GPC5: variants seen among roughly 807,000 people sequenced by gnomAD.
GPC5 encodes glypican-5.
GPC5 carries 47 observed loss-of-function variants against 53.9 expected under a neutral mutation model. The ratio of observed to expected loss-of-function variants is 0.87; its 90% confidence interval spans 0.69 to 1.11. The LOEUF (loss-of-function observed/expected upper bound fraction) is 1.11. Ranked by LOEUF, GPC5 falls within the 50% of genes most tolerant of loss-of-function variation. The pLI is 0.00. For synonymous variants in GPC5, 286 were observed against 263.3 expected, an observed-to-expected ratio of 1.09 and a Z score of -0.84; for missense variants, 748 against 713.1, an observed-to-expected ratio of 1.05 and a Z score of -0.56.
chr13:91,943,782 GAAATAGAGATGTA>G (rs1274180870), intron 6 of GPC5, among the ~76,000 whole-genome samples: 5 of 152,012 alleles, frequency 3.3e-5, no homozygotes, highest in African/African-American at 1.2e-4. Flanking sequence ...TGTATTTGCT[GAAATAGAGATGTA>G]ACATTGTTAA....
intron 7 of GPC5, among the ~76,000 whole-genome samples, chr13:92,329,317 T>C (rs372024561): frequency 3.9e-5 from 6 of 152,192 alleles, no homozygotes; most frequent in East Asian, 1.9e-4. Context: ...CTAAAGCAGG[T>C]ACATCACATG....
intron 6 of GPC5, among the ~76,000 whole-genome samples, chr13:92,091,658 T>C (rs1218864891): frequency 2.0e-5 from 3 of 151,998 alleles, no homozygotes; most frequent in African/African-American, 7.2e-5. Flanking sequence ...CACAAAATAT[T>C]TTCTGCATGT....
At chr13:91,515,240 C>T (rs1022688820) in intron 2 of GPC5, among the ~76,000 whole-genome samples, 1 of 152,100 alleles carries the variant, frequency 6.6e-6, no homozygotes, top group African/African-American at 2.4e-5. Flanking sequence ...TGACCTTAAA[C>T]AATCTACTTT....
intron 7 of GPC5, among the ~76,000 whole-genome samples, chr13:92,187,258 G>A (rs79458034): frequency 7.4e-4 from 113 of 152,286 alleles, no homozygotes; most frequent in Non-Finnish European, 1.3e-3. Flanking sequence ...TCTTAAGTTT[G>A]TTGGACTCTT....
intron 7 of GPC5, among the ~76,000 whole-genome samples, chr13:92,564,829 A>G (rs1221458459): frequency 6.6e-6 from 1 of 152,082 alleles, no homozygotes; most frequent in Non-Finnish European, 1.5e-5. Flanking sequence ...TCCAGCTAAC[A>G]CCATTATTTT....
chr13:92,451,711 G>A (rs1878067548), intron 7 of GPC5, among the ~76,000 whole-genome samples: 1 of 152,120 alleles, frequency 6.6e-6, no homozygotes, highest in South Asian at 2.1e-4. Flanking sequence ...AATGGGTGTC[G>A]ATAGAGACTG....
intron 7 of GPC5, among the ~76,000 whole-genome samples, chr13:92,502,864 A>G (rs1880240780): frequency 6.6e-6 from 1 of 151,932 alleles, no homozygotes; most frequent in East Asian, 1.9e-4. Context: ...ACATTGGAGC[A>G]CTCCACTGGA....
intron 2 of GPC5, among the ~76,000 whole-genome samples, chr13:91,463,559 C>T (rs1882062086): frequency 6.6e-6 from 1 of 152,004 alleles, no homozygotes; most frequent in Non-Finnish European, 1.5e-5. Context: ...TAAGGCTATA[C>T]AGCTATAGTA....
At chr13:91,565,569 A>C (rs2031491371) in intron 2 of GPC5, among the ~76,000 whole-genome samples, 1 of 152,196 alleles carries the variant, frequency 6.6e-6, no homozygotes, top group African/African-American at 2.4e-5. Flanking sequence ...GAAATATTGA[A>C]GTGGAAGAGA....
rs951699005 is a variant in GPC5 at position 91,992,157 on chromosome 13, A to G, written c.1401+84100A>G. On this transcript the variant is annotated intron_variant, in intron 6 of 7. Transcript: ENST00000377067. ...GGCTCAAGTGATCCTCCTGCCTCCC[A>G]AGTAGCAGGGACTATAGGTGCACAA... Among the ~76,000 whole-genome samples, 4 of 152,166 alleles carry G rather than the reference A, an allele frequency of 2.6e-5. No individual in the cohort carries two copies. The East Asian group carries it at 7.8e-4, about 30-fold the overall frequency.
chr13:91,541,192 C>A (rs2029906132), intron 2 of GPC5, among the ~76,000 whole-genome samples: 1 of 152,028 alleles, frequency 6.6e-6, no homozygotes. Flanking sequence ...TTTTAAGTGA[C>A]TACATTTAAA....
chr13:92,474,340 AT>A (rs1381250675), intron 7 of GPC5, among the ~76,000 whole-genome samples: 1 of 151,968 alleles, frequency 6.6e-6, no homozygotes, highest in African/African-American at 2.4e-5. Context: ...TGTAACCTCT[AT>A]GTATATTTAG....
At chr13:92,465,392 C>A (rs1320083944) in intron 7 of GPC5, among the ~76,000 whole-genome samples, 1 of 152,018 alleles carries the variant, frequency 6.6e-6, no homozygotes, top group Non-Finnish European at 1.5e-5. Context: ...AGATTATATT[C>A]TTTAAGATAT....
At chr13:92,471,051 C>G (rs944390494) in intron 7 of GPC5, among the ~76,000 whole-genome samples, 1 of 152,018 alleles carries the variant, frequency 6.6e-6, no homozygotes, top group Non-Finnish European at 1.5e-5. Flanking sequence ...ACAGTGAGCC[C>G]CTCTCCATGC....
intron 7 of GPC5, among the ~76,000 whole-genome samples, chr13:92,188,185 G>A (rs1304879189): frequency 2.2e-4 from 33 of 152,030 alleles, no homozygotes; most frequent in Non-Finnish European, 1.8e-4. Flanking sequence ...TTAAACACCT[G>A]ATTTTTAAAA....
At chr13:92,758,263 A>G (rs1219482528) in intron 7 of GPC5, among the ~76,000 whole-genome samples, 2 of 148,706 alleles carry the variant, frequency 1.3e-5, no homozygotes, top group African/African-American at 4.9e-5. Flanking sequence ...ATTCTCATTC[A>G]TAGGTGGGAA....
chr13:92,636,685 A>G (rs1353703997), intron 7 of GPC5, among the ~76,000 whole-genome samples: 2 of 152,152 alleles, frequency 1.3e-5, no homozygotes, highest in African/African-American at 4.8e-5. Context: ...TATCTCCTGT[A>G]TTCCACACGA....
At chr13:92,053,453 A>G (rs1270143438) in intron 6 of GPC5, among the ~76,000 whole-genome samples, 1 of 152,204 alleles carries the variant, frequency 6.6e-6, no homozygotes, top group African/African-American at 2.4e-5. Flanking sequence ...TCTCCCTTGC[A>G]TAAAACGTTG....
chr13:92,583,332 A>C (rs2139056181), intron 7 of GPC5, among the ~76,000 whole-genome samples: 1 of 152,354 alleles, frequency 6.6e-6, no homozygotes, highest in African/African-American at 2.4e-5. Flanking sequence ...CCCAGGGATA[A>C]ATCCCACTTA....
Sources: gnomAD v4.1 joint callset for allele counts (sites outside exome capture counted in the v4.1 genomes callset) on GRCh38, gnomAD v4.1.1 for gene constraint, MANE v1.5 for transcripts, NCBI Gene and HGNC (gene_info 2026-07-23, HGNC 2026-07-21) for gene names.